The following CCDC57 variants were observed in gnomAD, a reference collection of about 807,000 sequenced individuals.
CCDC57 encodes coiled-coil domain-containing protein 57.
CCDC57 carries 118 observed loss-of-function variants against 118.9 expected under a neutral mutation model. The ratio of observed to expected loss-of-function variants is 0.99; its 90% CI spans 0.86 to 1.16. The LOEUF (loss-of-function observed/expected upper bound fraction) is 1.16, where lower values mean the gene tolerates loss of function less well. CCDC57 is among the 50% of genes most tolerant of loss of function. The pLI is 0.00. For synonymous variants in CCDC57, 527 were observed against 532.9 expected (o/e 0.99, Z 0.15); for missense variants, 1,300 against 1,320.7 (o/e 0.98, Z 0.24).
In CCDC57 at chr17:82,128,617, G is replaced by A; in HGVS notation, c.2578-20C>T. On this transcript the variant is annotated intron_variant, in intron 17 of 19. Coordinates refer to ENST00000665763, the Ensembl canonical transcript of CCDC57. ...GGCGTCCTGCCGTGGGGATTTAAAT[G>A]AGAGGACTCTGGTATTCACATGTAC... 1 of 1,541,016 alleles carries A rather than the reference G, an allele frequency of 6.5e-7. No individual in the cohort carries two copies. Among genetic ancestry groups the A allele is most frequent in the Non-Finnish European group, 8.8e-7 (1 of 1,137,036 alleles).
At chr17:82,107,498 G>A in intron 19 of CCDC57, 1 of 470,762 alleles carries the variant, frequency 2.1e-6, no homozygotes, top group Admixed American at 2.3e-5. Context: ...AGGGGCCAAA[G>A]CGGACCCCCG....
chr17:82,202,050 G>A (rs2049056931), intron 2 of CCDC57, 98 bp from the exon 2 acceptor site: 2 of 1,240,860 alleles, frequency 1.6e-6, no homozygotes, highest in African/African-American at 1.5e-5. Context: ...AGTTACCACG[G>A]CCGGGCACGG....
At chr17:82,141,273 A>G (rs7501478) in intron 16 of CCDC57, among the ~76,000 whole-genome samples, 70,066 of 146,932 alleles carry the variant, frequency 0.48, 17,042 homozygotes, top group East Asian at 0.88. Context: ...AACCTCTGCC[A>G]CCCTGGTTCA....
intron 11 of CCDC57, among the ~76,000 whole-genome samples, chr17:82,176,846 G>A (rs1215604418): frequency 1.2e-5 from 1 of 83,638 alleles, no homozygotes; most frequent in African/African-American, 3.6e-5. Context: ...GGAAGATGAG[G>A]GTTTTTTTTT....
chr17:82,101,596 C>T (rs1407389055), exon 20 of CCDC57: 2 of 1,190,008 alleles, frequency 1.7e-6, no homozygotes, highest in Middle Eastern at 2.2e-4. Context: ...GCTGTGCCCA[C>T]ACCCCCCCAC....
chr17:82,129,313 A>C, intron 17 of CCDC57, among the ~76,000 whole-genome samples: 1 of 152,184 alleles, frequency 6.6e-6, no homozygotes, highest in East Asian at 1.9e-4. Flanking sequence ...AAGGAAGCCA[A>C]AAGGGGGCAC....
At chr17:82,183,122 G>C (rs935147839) in intron 9 of CCDC57, among the ~76,000 whole-genome samples, 2 of 152,142 alleles carry the variant, frequency 1.3e-5, no homozygotes, top group South Asian at 4.1e-4. Context: ...ATTAGATTTG[G>C]GGGGGGACAT....
At chr17:82,128,336 G>A (rs1332752712) in intron 18 of CCDC57, among the ~76,000 whole-genome samples, 157 bp downstream of exon 17, 1 of 152,148 alleles carries the variant, frequency 6.6e-6, no homozygotes, top group Non-Finnish European at 1.5e-5. Flanking sequence ...CAAACGCTCT[G>A]CAGCTCACCC....
At chr17:82,132,761 T>TTC (rs1364744982) in intron 17 of CCDC57, among the ~76,000 whole-genome samples, 1 of 84,986 alleles carries the variant, frequency 1.2e-5, no homozygotes, top group African/African-American at 3.3e-5. Context: ...CAACCTTGCT[T>TTC]TTTTTTTTTT....
At chr17:82,150,785 G>A (rs1245645152) in intron 16 of CCDC57, among the ~76,000 whole-genome samples, 1 of 89,986 alleles carries the variant, frequency 1.1e-5, no homozygotes, top group Non-Finnish European at 2.1e-5. Context: ...AGAACCTGGT[G>A]CACACCCAGA....
intron 19 of CCDC57, among the ~76,000 whole-genome samples, chr17:82,122,587 T>C (rs543488395): frequency 6.7e-6 from 1 of 149,692 alleles, no homozygotes; most frequent in Non-Finnish European, 1.5e-5. Context: ...GCCTGCTATG[T>C]GGACAGAGCC....
At chr17:82,170,015 A>C (rs2044484114) in intron 13 of CCDC57, among the ~76,000 whole-genome samples, 1 of 152,204 alleles carries the variant, frequency 6.6e-6, no homozygotes, top group South Asian at 2.1e-4. Flanking sequence ...TGATCCAATA[A>C]ACAATGGGCA....
At chr17:82,103,989 C>T (rs1017572314) in intron 19 of CCDC57, among the ~76,000 whole-genome samples, 1 of 152,200 alleles carries the variant, frequency 6.6e-6, no homozygotes, top group Admixed American at 6.5e-5. Flanking sequence ...GCCATGAGCC[C>T]AGGACCCCAG....
intron 17 of CCDC57, among the ~76,000 whole-genome samples, chr17:82,130,322 T>C (rs1261865161): frequency 1.3e-5 from 2 of 150,962 alleles, no homozygotes; most frequent in African/African-American, 2.4e-5. Flanking sequence ...GCCTTCCGAG[T>C]AGCTGGGATT....
At position 82,184,027 on chromosome 17, in the gene CCDC57, GCGCGCACACACACACA is replaced by G. The variant is rs1332367277; in HGVS notation, c.1053-111_1053-96del. ...CCAGCAAATACACATGCGCGCGCGC[GCGCGCACACACACACA>G]CACACACACACACACACACACACAC... On this transcript the variant is annotated intron_variant, in intron 8 of 19. Coordinates refer to ENST00000665763, the Ensembl canonical transcript of CCDC57. The G allele has an allele frequency of 2.3e-3, 743 of 328,594 alleles. 16 individuals carry two copies. Among genetic ancestry groups the G allele is most frequent in the Non-Finnish European group, 2.5e-3 (452 of 180,890 alleles). The allele number at this position is 328,594 out of a possible 1,614,324, so 20.4% of individuals were successfully genotyped here.
At chr17:82,188,322 C>A (rs748618304) in exon 8 of CCDC57, 1 of 1,606,754 alleles carries the variant, frequency 6.2e-7, no homozygotes, top group Admixed American at 1.7e-5. Flanking sequence ...AGCTCCAGAA[C>A]CCTGGTCTGC....
intron 3 of CCDC57, among the ~76,000 whole-genome samples, chr17:82,200,587 C>T (rs2048876324): frequency 6.6e-6 from 1 of 151,926 alleles, no homozygotes; most frequent in African/African-American, 2.4e-5. Context: ...AGTTCAAGAC[C>T]AGCCTGGGCA....
Position 82,139,341 on chromosome 17 carries a change from T to A in CCDC57, c.2456-5147A>T, listed in dbSNP as rs562097381. Among the ~76,000 whole-genome samples, 371 of 115,412 alleles carry A rather than the reference T, an allele frequency of 3.2e-3. 20 individuals carry two copies. In the East Asian group the frequency reaches 0.2, roughly 62 times the overall value. 75.7% of individuals were successfully genotyped at this position (115,412 alleles called of 152,430 possible). On this transcript the variant is annotated intron_variant, in intron 16 of 19. Coordinates refer to ENST00000665763, the Ensembl canonical transcript of CCDC57. ...CATGGCCATGTGCAGTCTTTTGTCA[T>A]CCACAGTTTTTTTATTTTTATTTTT...
chr17:82,186,842 T>A (rs958505787), intron 8 of CCDC57, among the ~76,000 whole-genome samples: 28 of 152,032 alleles, frequency 1.8e-4, no homozygotes, highest in African/African-American at 5.6e-4. Flanking sequence ...CTGCGGAGGC[T>A]GAGGCGGGAG....
Sources: allele counts gnomAD v4.1 joint callset (sites outside exome capture counted in the v4.1 genomes callset), GRCh38; gene constraint gnomAD v4.1.1; transcripts MANE v1.5; gene names NCBI Gene and HGNC (gene_info 2026-07-23, HGNC 2026-07-21).